CA12: variants seen among roughly 807,000 people sequenced by gnomAD.
CA12 encodes carbonic anhydrase 12.
In CA12, 36 loss-of-function variants were observed where a neutral mutation model predicts 46.8. That is an observed-to-expected ratio of 0.77 (90% CI 0.59 to 1.02). The LOEUF (loss-of-function observed/expected upper bound fraction) is 1.02, where lower values mean the gene tolerates loss of function less well. Among genes scored for constraint, CA12 ranks in the 50% least tolerant of loss-of-function variants. The probability of loss-of-function intolerance (pLI) is 0.00; values close to 1 mark genes in which losing one functional copy is unlikely to be tolerated. For missense variants in CA12, 436 were observed against 451.4 expected, an observed-to-expected ratio of 0.97 and a Z score of 0.31; for synonymous variants, 202 against 187.0, an observed-to-expected ratio of 1.08 and a Z score of -0.65.
chr15:63,346,840 G>A, intron 2 of CA12, 131 bp from the exon 3 acceptor site: 2 of 1,053,862 alleles, frequency 1.9e-6, no homozygotes, highest in Non-Finnish European at 2.8e-6. Flanking sequence ...AATCTTCAAG[G>A]CTCAGAGTCT....
rs2038805442 is a variant in CA12, at chr15:63,322,600, C to T, written c.*3685G>A. On this transcript the variant is annotated 3_prime_UTR_variant, in exon 11 of 11. Transcript: ENST00000178638. The surrounding 1 kb of genome is among the most constrained non-coding windows in gnomAD (Gnocchi z 4.1). Reference sequence around the variant, plus strand: ...CCTATGGCTCTCACTGCTATGCCTCCCTGATCATTCAGCCAGTGGATGTGG... The same window carrying T: ...CCTATGGCTCTCACTGCTATGCCTCTCTGATCATTCAGCCAGTGGATGTGG... 6.6e-6 allele frequency: 1 copy of T among 152,242 alleles called. No homozygotes were observed. Among genetic ancestry groups the T allele is most frequent in the Admixed American group, 6.5e-5 (1 of 15,284 alleles). The allele number at this position is 152,242 out of a possible 1,614,324, so 9.4% of individuals were successfully genotyped here. A position where few individuals can be genotyped will look rare whatever the true frequency, so the allele number is the denominator to read the frequency against.
At chr15:63,362,031 C>T (rs2152623435) in intron 2 of CA12, among the ~76,000 whole-genome samples, 1 of 152,280 alleles carries the variant, frequency 6.6e-6, no homozygotes, top group South Asian at 2.1e-4. Flanking sequence ...CTAACTTTTT[C>T]TGCAAAAGGC....
At chr15:63,357,385 C>A (rs1350693038) in intron 2 of CA12, among the ~76,000 whole-genome samples, 1 of 152,198 alleles carries the variant, frequency 6.6e-6, no homozygotes, top group Non-Finnish European at 1.5e-5. Flanking sequence ...GAATCCCCAG[C>A]CCAGAGCCAT....
chr15:63,360,800 C>G (rs540893092), intron 2 of CA12, among the ~76,000 whole-genome samples: 1 of 152,318 alleles, frequency 6.6e-6, no homozygotes, highest in South Asian at 2.1e-4. Context: ...ACAACACCAG[C>G]ACACGTCATC....
chr15:63,336,173 G>A (rs925876856), intron 8 of CA12, among the ~76,000 whole-genome samples: 7 of 152,170 alleles, frequency 4.6e-5, no homozygotes, highest in East Asian at 3.9e-4. Flanking sequence ...TGATCTTGAC[G>A]TCCTAAGCTG....
chr15:63,358,111 A>C (rs532847352), intron 2 of CA12, among the ~76,000 whole-genome samples: 5 of 152,362 alleles, frequency 3.3e-5, no homozygotes, highest in African/African-American at 9.6e-5. Context: ...TAGTTTAAAT[A>C]TTTGACTCTA....
At chr15:63,370,398 T>C (rs1308340133) in intron 2 of CA12, among the ~76,000 whole-genome samples, 6 of 144,658 alleles carry the variant, frequency 4.1e-5, no homozygotes, top group Non-Finnish European at 7.5e-5. Context: ...CAGCGAGCAG[T>C]GATTGTGCCA....
chr15:63,374,069 A>G lies in CA12; in HGVS notation c.106+1589T>C, dbSNP rs565774696. On this transcript the variant is annotated intron_variant, in intron 2 of 10. Coordinates refer to ENST00000178638, the MANE Select transcript of CA12 (RefSeq NM_001218.5). The surrounding 1 kb of genome is among the most constrained non-coding windows in gnomAD (Gnocchi z 4.4). Reference sequence around the variant, plus strand: ...CTCCATCCTTCCCCCTCCACCTCCTACCACCAAGTAACTCTTCCTAAAACA... The same window carrying G: ...CTCCATCCTTCCCCCTCCACCTCCTGCCACCAAGTAACTCTTCCTAAAACA... Among the ~76,000 whole-genome samples, 7 of 151,482 alleles carry G rather than the reference A, an allele frequency of 4.6e-5. No individual in the cohort carries two copies. The East Asian group carries it at 1.4e-3, about 29-fold the overall frequency.
chr15:63,351,338 C>A (rs567001334), intron 2 of CA12, among the ~76,000 whole-genome samples: 1 of 152,320 alleles, frequency 6.6e-6, no homozygotes, highest in African/African-American at 2.4e-5. Flanking sequence ...TTCCTTGTTA[C>A]ACTGCCAGGC....
chr15:63,354,401 T>G (rs539533877), intron 2 of CA12, among the ~76,000 whole-genome samples: 3 of 152,172 alleles, frequency 2.0e-5, no homozygotes, highest in Admixed American at 6.5e-5. Context: ...ATACTTTGCA[T>G]CAAACTTTTG....
intron 2 of CA12, among the ~76,000 whole-genome samples, chr15:63,357,142 A>G (rs994670761): frequency 2.6e-5 from 4 of 152,196 alleles, no homozygotes; most frequent in Admixed American, 2.0e-4. Context: ...TGCTCAATGA[A>G]TACTCACTGG....
At chr15:63,375,134 C>A (rs2039554899) in intron 2 of CA12, among the ~76,000 whole-genome samples, 1 of 152,236 alleles carries the variant, frequency 6.6e-6, no homozygotes, top group African/African-American at 2.4e-5. Flanking sequence ...TCATTTAAGA[C>A]AAGCATCCCT....
chr15:63,355,415 C>G lies in CA12; in HGVS notation c.107-8706G>C, dbSNP rs1022898684. On this transcript the variant is annotated intron_variant, in intron 2 of 10. Coordinates refer to ENST00000178638, the MANE Select transcript of CA12 (RefSeq NM_001218.5). The surrounding 1 kb of genome is among the most constrained non-coding windows in gnomAD (Gnocchi z 4.1). Reference sequence around the variant, plus strand: ...CGTGGCTCCAGACAAGCATTATCATCACCGCCTAGGAACTCATTCAAAATG... The same window carrying G: ...CGTGGCTCCAGACAAGCATTATCATGACCGCCTAGGAACTCATTCAAAATG... Among the ~76,000 whole-genome samples, 116 of 152,212 alleles carry G rather than the reference C, an allele frequency of 7.6e-4. 1 individual carries two copies. The highest frequency in any genetic ancestry group is 1.9e-4 in the Non-Finnish European group (13 of 68,038).
chr15:63,334,932 A>G (rs1237226781), intron 8 of CA12, among the ~76,000 whole-genome samples: 1 of 152,234 alleles, frequency 6.6e-6, no homozygotes, highest in Non-Finnish European at 1.5e-5. Flanking sequence ...AGGGATAACC[A>G]TCATCACACT....
chr15:63,328,636 G>A lies in CA12; in HGVS notation c.875-506C>T, dbSNP rs1476016626. ...GGCGTGAGCCCCTGCGCCCGGCCCC[G>A]ATGCTCCTTTATCACAACAGTTTCC... On this transcript the variant is annotated intron_variant, in intron 8 of 10. Transcript: ENST00000178638. This position sits in a 1 kb window ranked among gnomAD's most constrained non-coding sequence, Gnocchi z 5.9. Among the ~76,000 whole-genome samples, 2 of 152,096 alleles carry A rather than the reference G, an allele frequency of 1.3e-5. No homozygotes were observed. The highest frequency in any genetic ancestry group is 6.5e-5 in the Admixed American group (1 of 15,274).
Position 63,330,826 on chromosome 15 carries a change from T to TCA in CA12, c.875-2697_875-2696insTG, listed in dbSNP as rs2038928916. ...TTGAACCCAGTGCTGTGACCTGGGATCTTTGCTCCTTGAGGACCACTTGTC... is the reference window on the plus strand; with the variant it reads ...TTGAACCCAGTGCTGTGACCTGGGATCACTTTGCTCCTTGAGGACCACTTGTC... On this transcript the variant is annotated intron_variant, in intron 8 of 10. Coordinates refer to ENST00000178638, the MANE Select transcript of CA12 (RefSeq NM_001218.5). This position sits in a 1 kb window ranked among gnomAD's most constrained non-coding sequence, Gnocchi z 4.0. Among the ~76,000 whole-genome samples, 1 of 152,184 alleles carries TCA rather than the reference T, an allele frequency of 6.6e-6. No individual in the cohort carries two copies. The highest frequency in any genetic ancestry group is 6.5e-5 in the Admixed American group (1 of 15,278).
intron 8 of CA12, among the ~76,000 whole-genome samples, chr15:63,334,697 G>T (rs995829491): frequency 5.6e-4 from 86 of 152,242 alleles, no homozygotes; most frequent in African/African-American, 1.9e-3. Flanking sequence ...GAGAGAAAAA[G>T]AATAAAGGGG....
Position 63,340,597 on chromosome 15 carries a change from G to A in CA12, c.589+123C>T. 7.2e-7 allele frequency: 1 copy of A among 1,392,210 alleles called. No individual in the cohort carries two copies. The highest frequency in any genetic ancestry group is 1.7e-5 in the Admixed American group (1 of 59,222). 86.2% of individuals were successfully genotyped at this position (1,392,210 alleles called of 1,614,324 possible). On this transcript the variant is annotated intron_variant, in intron 6 of 10. Transcript: ENST00000178638. This position sits in a 1 kb window ranked among gnomAD's most constrained non-coding sequence, Gnocchi z 4.4. ...TGGTTGCAACATTGTTCAACAACCT[G>A]CTGCTCTTAACCTGGTGAACACAGA...
chr15:63,361,687 G>T (rs71394516), intron 2 of CA12, among the ~76,000 whole-genome samples: 5,700 of 152,256 alleles, frequency 0.037, 141 homozygotes, highest in Middle Eastern at 0.054. Flanking sequence ...GATGGAGTTG[G>T]CTGCTCTCCC....
Sources: allele counts gnomAD v4.1 joint callset (sites outside exome capture counted in the v4.1 genomes callset), GRCh38; gene constraint gnomAD v4.1.1; non-coding constraint Gnocchi (gnomAD v3.1); transcripts MANE v1.5; gene names NCBI Gene and HGNC (gene_info 2026-07-23, HGNC 2026-07-21).